PCDH15: variants seen among roughly 807,000 people sequenced by gnomAD.
PCDH15 encodes the protein protocadherin related 15.
In PCDH15, 129 loss-of-function variants were observed where a neutral mutation model predicts 178.5. The ratio of observed to expected loss-of-function variants is 0.72; its 90% CI spans 0.63 to 0.84. The LOEUF is 0.84. Among genes scored for constraint, PCDH15 ranks in the 40% least tolerant of loss-of-function variants. The pLI, the probability that PCDH15 is intolerant of heterozygous loss-of-function variation, is 0.00. For missense variants in PCDH15, 2,230 were observed against 2,099.9 expected (o/e 1.06, Z -1.21); for synonymous variants, 800 against 732.0 (o/e 1.09, Z -1.50).
At chr10:54,835,650 C>T (rs1318248036) in intron 3 of PCDH15, among the ~76,000 whole-genome samples, 1 of 152,078 alleles carries the variant, frequency 6.6e-6, no homozygotes, top group East Asian at 1.9e-4. Context: ...TGCACACACA[C>T]CCTCATTCAC....
At chr10:55,195,552 A>C (rs1840069706) in intron 1 of PCDH15, among the ~76,000 whole-genome samples, 1 of 149,182 alleles carries the variant, frequency 6.7e-6, no homozygotes, top group African/African-American at 2.5e-5. Context: ...GCTACTCCGG[A>C]GGCTGAGGCA....
intron 6 of PCDH15, among the ~76,000 whole-genome samples, chr10:54,335,051 C>A (rs991003504): frequency 2.6e-5 from 4 of 152,148 alleles, no homozygotes; most frequent in African/African-American, 9.7e-5. Context: ...GCTACTGTGC[C>A]ATCAGCTGCT....
chr10:55,467,983 A>AAAAAAAAAAAAAAAAAAAAAAAAAC (rs1305381627), intron 2 of PCDH15, among the ~76,000 whole-genome samples: 1 of 148,536 alleles, frequency 6.7e-6, no homozygotes, highest in Non-Finnish European at 1.5e-5. Context: ...AAAAAAAAAA[A>AAAAAAAAAAAAAAAAAAAAAAAAAC]AAAAAAAAGA....
At chr10:54,919,327 T>G (rs1484930580) in intron 2 of PCDH15, among the ~76,000 whole-genome samples, 1 of 152,164 alleles carries the variant, frequency 6.6e-6, no homozygotes, top group Non-Finnish European at 1.5e-5. Context: ...TAGGGCAAGA[T>G]CAACAACTAT....
intron 2 of PCDH15, among the ~76,000 whole-genome samples, chr10:55,069,725 C>T (rs1487739956): frequency 7.0e-6 from 1 of 143,368 alleles, no homozygotes; most frequent in African/African-American, 2.6e-5. Context: ...GTGAATAGTG[C>T]CGCAATAAAC....
At chr10:54,657,510 T>A (rs2094427821) in intron 2 of PCDH15, among the ~76,000 whole-genome samples, 1 of 152,152 alleles carries the variant, frequency 6.6e-6, no homozygotes, top group Non-Finnish European at 1.5e-5. Context: ...GAGACCTCTG[T>A]ACTCTCAGCC....
chr10:54,065,632 A>G (rs986903441), intron 18 of PCDH15, among the ~76,000 whole-genome samples: 3 of 152,244 alleles, frequency 2.0e-5, no homozygotes, highest in African/African-American at 7.2e-5. Flanking sequence ...TTGGGATGGC[A>G]TAAACATATA....
At chr10:55,567,313 A>T (rs1057048268) in intron 2 of PCDH15, among the ~76,000 whole-genome samples, 2 of 151,968 alleles carry the variant, frequency 1.3e-5, no homozygotes, top group Non-Finnish European at 2.9e-5. Context: ...GGAAGGCCTA[A>T]AACTATAAAC....
At chr10:54,488,718 A>C (rs1220215218) in intron 3 of PCDH15, among the ~76,000 whole-genome samples, 1 of 151,998 alleles carries the variant, frequency 6.6e-6, no homozygotes, top group African/African-American at 2.4e-5. Flanking sequence ...AGTTATTTTC[A>C]GATGTGAAAT....
chr10:54,348,385 C>CTATGA (rs1943651494), intron 5 of PCDH15, among the ~76,000 whole-genome samples: 1 of 152,110 alleles, frequency 6.6e-6, no homozygotes. Context: ...TAAGTAGTAC[C>CTATGA]TATGAGGACA....
intron 1 of PCDH15, among the ~76,000 whole-genome samples, chr10:54,700,455 G>T (rs1250270539): frequency 6.6e-6 from 1 of 151,944 alleles, no homozygotes; most frequent in Non-Finnish European, 1.5e-5. Flanking sequence ...CCAATCCAAG[G>T]AGTCTAAGGA....
chr10:54,380,705 C>CATAT (rs58171476), intron 3 of PCDH15, among the ~76,000 whole-genome samples: 112 of 48,932 alleles, frequency 2.3e-3, no homozygotes, highest in South Asian at 4.1e-3. Context: ...ATATATGCTC[C>CATAT]ATATATATAT....
chr10:54,838,506 C>G (rs1193807681), intron 3 of PCDH15, among the ~76,000 whole-genome samples: 1 of 152,120 alleles, frequency 6.6e-6, no homozygotes, highest in Non-Finnish European at 1.5e-5. Flanking sequence ...CATTAAACCT[C>G]TTTTCTTTAT....
At chr10:53,923,547 A>G (rs2084193561) in intron 25 of PCDH15, among the ~76,000 whole-genome samples, 1 of 152,244 alleles carries the variant, frequency 6.6e-6, no homozygotes, top group African/African-American at 2.4e-5. Context: ...AAATTAGGGA[A>G]TATTTAAGAA....
Position 55,164,561 on chromosome 10 carries a change from G to C in PCDH15, c.-80+2015C>G, listed in dbSNP as rs550270227. ...GTTAAGTAATTGAAATAAGTATTGA[G>C]GATATTTCTGCAAAATTACCAAAGT... On this transcript the variant is annotated intron_variant, in intron 2 of 5. Transcript: ENST00000458638. Among the ~76,000 whole-genome samples, 5 of 151,886 alleles carry C rather than the reference G, an allele frequency of 3.3e-5. No homozygotes were observed. The South Asian group carries it at 1.0e-3, about 32-fold the overall frequency.
chr10:54,573,310 A>T (rs2090061789), intron 2 of PCDH15, among the ~76,000 whole-genome samples: 1 of 152,138 alleles, frequency 6.6e-6, no homozygotes, highest in Non-Finnish European at 1.5e-5. Flanking sequence ...CATAATTTTA[A>T]TAAAAAACAC....
At chr10:55,523,290 T>A (rs1841226859) in intron 2 of PCDH15, among the ~76,000 whole-genome samples, 1 of 151,476 alleles carries the variant, frequency 6.6e-6, no homozygotes, top group Non-Finnish European at 1.5e-5. Flanking sequence ...ATTTTCTTCA[T>A]TTTTTTCTTT....
intron 18 of PCDH15, among the ~76,000 whole-genome samples, chr10:54,047,096 T>G (rs1202806767): frequency 6.6e-6 from 1 of 152,132 alleles, no homozygotes; most frequent in African/African-American, 2.4e-5. Context: ...GCTAGATAGA[T>G]GTAGCAGGGG....
chr10:54,639,738 A>C (rs1438305097), intron 2 of PCDH15, among the ~76,000 whole-genome samples: 1 of 152,198 alleles, frequency 6.6e-6, no homozygotes, highest in African/African-American at 2.4e-5. Flanking sequence ...ATATGGGAAC[A>C]CCACCAAAAG....
Sources: allele counts gnomAD v4.1 joint callset (sites outside exome capture counted in the v4.1 genomes callset), GRCh38; gene constraint gnomAD v4.1.1; transcripts MANE v1.5; gene names NCBI Gene and HGNC (gene_info 2026-07-23, HGNC 2026-07-21).